The following SPPL2B variants were observed in gnomAD, a reference collection of about 807,000 sequenced individuals.
SPPL2B encodes the protein signal peptide peptidase like 2B, also known as signal peptide peptidase-like 2B.
In SPPL2B, 39 loss-of-function variants were observed where a neutral mutation model predicts 59.7. The observed-to-expected ratio is 0.65, with a 90% confidence interval of 0.51 to 0.85. The LOEUF (loss-of-function observed/expected upper bound fraction) is 0.85. SPPL2B is among the 40% of genes least tolerant of loss of function. The pLI is 0.00. For synonymous variants in SPPL2B, 419 were observed against 370.8 expected, an observed-to-expected ratio of 1.13 and a Z score of -1.49; for missense variants, 865 against 849.0, an observed-to-expected ratio of 1.02 and a Z score of -0.23.
intron 12 of SPPL2B, 21 bp downstream of exon 12, chr19:2,344,673 C>G: frequency 2.7e-6 from 4 of 1,491,050 alleles, no homozygotes; most frequent in Non-Finnish European, 3.7e-6. Flanking sequence ...GGGTGGAGCA[C>G]ACGGGTCCAC....
intron 13 of SPPL2B, among the ~76,000 whole-genome samples, chr19:2,350,685 C>T (rs1441086103): frequency 2.0e-5 from 3 of 152,268 alleles, no homozygotes; most frequent in Non-Finnish European, 2.9e-5. Context: ...GAAGCAATGC[C>T]ATGCGACAGC....
intron 5 of SPPL2B, 78 bp downstream of exon 5, chr19:2,339,286 C>T (rs1404450860): frequency 4.0e-6 from 6 of 1,508,390 alleles, no homozygotes; most frequent in Non-Finnish European, 5.4e-6. Context: ...TCTTCCAGAA[C>T]AGCAGTGAGT....
chr19:2,340,822 C>A, intron 7 of SPPL2B, 76 bp from the exon 8 acceptor site: 1 of 841,978 alleles, frequency 1.2e-6, no homozygotes, highest in Non-Finnish European at 1.9e-6. Context: ...GTGCCTGGGC[C>A]GGTCCCAAGG....
At chr19:2,336,211 C>CATGTGCATGGGTCTGAATG (rs1568431523) in intron 2 of SPPL2B, among the ~76,000 whole-genome samples, 4 of 151,802 alleles carry the variant, frequency 2.6e-5, no homozygotes, top group Admixed American at 2.6e-4. Flanking sequence ...ATGTGTATGT[C>CATGTGCATGGGTCTGAATG]TGTTTTTATG....
intron 8 of SPPL2B, chr19:2,341,472 C>T (rs771633312): frequency 1.2e-4 from 54 of 445,500 alleles, no homozygotes; most frequent in Non-Finnish European, 2.1e-4. Context: ...ACTGCTCCCC[C>T]CACGCTCACC....
chr19:2,334,455 G>A (rs1317957322), intron 1 of SPPL2B, 147 bp from the exon 2 acceptor site: 2 of 1,091,062 alleles, frequency 1.8e-6, no homozygotes, highest in Non-Finnish European at 2.6e-6. Context: ...TGTCTGTCCT[G>A]TCGAGAGGGG....
At chr19:2,352,183 GACCCC>G (rs1969964276) in intron 14 of SPPL2B, among the ~76,000 whole-genome samples, 1 of 152,134 alleles carries the variant, frequency 6.6e-6, no homozygotes, top group African/African-American at 2.4e-5. Context: ...GAGTGGGTGG[GACCCC>G]CCCTTCCAGT....
Position 2,351,395 on chromosome 19 carries a change from G to C in SPPL2B, c.1355-39G>C, listed in dbSNP as rs1344481259. ...CCCAGGGAAATGGGTGGTGGCCCTG[G>C]CCTGCCTGGCTGAGGTGATGCCTCC... On this transcript the variant is annotated intron_variant, in intron 13 of 14. Transcript: ENST00000613503. The C allele has an allele frequency of 5.9e-6, 9 of 1,533,266 alleles. No individual in the cohort carries two copies. In the South Asian group the frequency reaches 5.9e-5, roughly 10 times the overall value. The allele number at this position is 1,533,266 out of a possible 1,614,324, so 95.0% of individuals were successfully genotyped here.
At position 2,332,409 on chromosome 19, in the gene SPPL2B, C is replaced by A. The variant is rs1968334013; in HGVS notation, c.67-2193C>A. Among the ~76,000 whole-genome samples, 1 of 152,238 alleles carries A rather than the reference C, an allele frequency of 6.6e-6. No individual in the cohort carries two copies. The highest frequency in any genetic ancestry group is 1.5e-5 in the Non-Finnish European group (1 of 68,046). On this transcript the variant is annotated intron_variant, in intron 1 of 14. Coordinates refer to ENST00000613503, the MANE Select transcript of SPPL2B (RefSeq NM_152988.3). The surrounding 1 kb of genome is among the most constrained non-coding windows in gnomAD (Gnocchi z 4.6). ...GACCTTTAGCCAAGCCAGAGCTGTC[C>A]TTCCCCAGTCCTAGCTTGGCAGAGC...
At chr19:2,334,868 G>A (rs1968473812) in intron 2 of SPPL2B, 147 bp downstream of exon 2, 1 of 1,085,426 alleles carries the variant, frequency 9.2e-7, no homozygotes, top group Non-Finnish European at 1.3e-6. Flanking sequence ...CTGGCCCCCA[G>A]TTCCCCTGGG....
At chr19:2,340,711 G>A (rs1019530752) in intron 7 of SPPL2B, among the ~76,000 whole-genome samples, 187 bp from the exon 8 acceptor site, 1 of 152,042 alleles carries the variant, frequency 6.6e-6, no homozygotes, top group Non-Finnish European at 1.5e-5. Flanking sequence ...GCGCCTGCCC[G>A]GGTCGGGCTC....
rs1968344072 is a variant in SPPL2B, at chr19:2,332,603, T to G, written c.67-1999T>G. On this transcript the variant is annotated intron_variant, in intron 1 of 14. Transcript: ENST00000613503. The surrounding 1 kb of genome is among the most constrained non-coding windows in gnomAD (Gnocchi z 4.6). ...GGGGACCAGGGGGTGCGGCTGTCTC[T>G]CTGTCTGGGAGGTTTACAGCCTGGC... 6.6e-6 allele frequency among the ~76,000 whole-genome samples: 1 copy of G among 152,194 alleles called. No individual in the cohort carries two copies. The highest frequency in any genetic ancestry group is 6.5e-5 in the Admixed American group (1 of 15,284).
In SPPL2B at chr19:2,354,150, G is replaced by C. The variant is rs908458112; in HGVS notation, c.*941G>C. ...TTCTGCTGAGAGGGGCTTGGGCCTC[G>C]GTTCTCCCTGTGGCAGCGGCATTGG... On this transcript the variant is annotated 3_prime_UTR_variant, in exon 15 of 15. Transcript: ENST00000613503. The C allele has an allele frequency of 6.6e-6, 1 of 152,256 alleles. No individual in the cohort carries two copies. The highest frequency in any genetic ancestry group is 2.4e-5 in the African/African-American group (1 of 41,438). 9.4% of individuals were successfully genotyped at this position (152,256 alleles called of 1,614,324 possible).
In SPPL2B at chr19:2,339,339, G is replaced by A. The variant is rs941311106; in HGVS notation, c.599+131G>A. The A allele has an allele frequency of 2.5e-5, 27 of 1,086,088 alleles. No homozygotes were observed. The African/African-American group carries it at 2.5e-4, about 10-fold the overall frequency. 67.3% of individuals were successfully genotyped at this position (1,086,088 alleles called of 1,614,324 possible). A position where few individuals can be genotyped will look rare whatever the true frequency, so the allele number is the denominator to read the frequency against. Reference sequence around the variant, plus strand: ...CACGGCTCGCCCCGTGGAGCCCTTCGTTTCTTCCTCAGGAGGTCCTGGGAC... The same window carrying A: ...CACGGCTCGCCCCGTGGAGCCCTTCATTTCTTCCTCAGGAGGTCCTGGGAC... On this transcript the variant is annotated intron_variant, in intron 5 of 14. Transcript: ENST00000613503.
chr19:2,347,011 T>C (rs572461563), intron 13 of SPPL2B, among the ~76,000 whole-genome samples: 3 of 152,216 alleles, frequency 2.0e-5, no homozygotes, highest in Non-Finnish European at 4.4e-5. Context: ...AGAGCTTTAT[T>C]TTGAAATAAT....
chr19:2,340,100 G>A lies in SPPL2B; in HGVS notation c.767G>A (p.Cys256Tyr). The stretch of plus-strand genomic sequence containing the variant: ...GTGTACGTGGTCATCGGGATCTTCT[G>A]CCTGGCCTCCGCCACCGGCCTCTAC... ...LLVYVVIGIF[C>Y]LASATGLYSC... Residue 256 changes from cysteine to tyrosine, a missense_variant, in exon 7 of 15, where the codon TGC becomes TAC. Transcript: ENST00000613503. 1 of 1,595,110 alleles carries A rather than the reference G, an allele frequency of 6.3e-7. No individual in the cohort carries two copies. Among genetic ancestry groups the A allele is most frequent in the Non-Finnish European group, 8.5e-7 (1 of 1,176,014 alleles).
intron 4 of SPPL2B, 27 bp downstream of exon 4, chr19:2,338,868 G>A (rs769937645): frequency 2.2e-5 from 36 of 1,603,138 alleles, no homozygotes; most frequent in Middle Eastern, 1.7e-4. Flanking sequence ...TCAGACCCAC[G>A]CTCCCGAGGA....
chr19:2,348,929 TTC>T lies in SPPL2B; in HGVS notation c.1355-2496_1355-2495del, dbSNP rs370701277. On this transcript the variant is annotated intron_variant, in intron 13 of 14. Coordinates refer to ENST00000613503, the MANE Select transcript of SPPL2B (RefSeq NM_152988.3). ...ACGCGCTCTCATTCGCTTGATTCTGTTCTCTCTCTCCACACACACTCACGCGC... is the reference window on the plus strand; with the variant it reads ...ACGCGCTCTCATTCGCTTGATTCTGTTCTCTCTCCACACACACTCACGCGC... Among the ~76,000 whole-genome samples, 673 of 76,238 alleles carry T rather than the reference TTC, an allele frequency of 8.8e-3. 4 individuals carry two copies. The highest frequency in any genetic ancestry group is 0.023 in the South Asian group (53 of 2,296). The allele number at this position is 76,238 out of a possible 152,430, so 50.0% of individuals were successfully genotyped here.
intron 2 of SPPL2B, 183 bp from the exon 3 acceptor site, chr19:2,337,260 G>A (rs1036292470): frequency 3.8e-6 from 2 of 530,186 alleles, no homozygotes; most frequent in Non-Finnish European, 6.5e-6. Flanking sequence ...CCAGCCCGTC[G>A]CCCAGGGTCC....
Sources: allele counts gnomAD v4.1 joint callset (sites outside exome capture counted in the v4.1 genomes callset), GRCh38; gene constraint gnomAD v4.1.1; non-coding constraint Gnocchi (gnomAD v3.1); transcripts MANE v1.5; gene names NCBI Gene and HGNC (gene_info 2026-07-23, HGNC 2026-07-21).